PREP: variants seen among roughly 807,000 people sequenced by gnomAD.
The protein encoded by PREP is prolyl endopeptidase.
PREP carries 29 observed loss-of-function variants against 87.6 expected under a neutral mutation model. That is an observed-to-expected ratio of 0.33 (90% CI 0.25 to 0.45). The LOEUF (loss-of-function observed/expected upper bound fraction) is 0.45. Among genes scored for constraint, PREP ranks in the 20% least tolerant of loss-of-function variants. The pLI, the probability that PREP is intolerant of heterozygous loss-of-function variation, is 1.00. For missense variants in PREP, 695 were observed against 886.5 expected (o/e 0.78, Z 2.74); for synonymous variants, 337 against 328.6 (o/e 1.03, Z -0.28).
At chr6:105,368,875 G>A (rs772356009) in intron 6 of PREP, 28 bp downstream of exon 6, 26 of 1,611,672 alleles carry the variant, frequency 1.6e-5, no homozygotes, top group Non-Finnish European at 2.2e-5. Context: ...ACAGTCTTTG[G>A]GGGTAAAATT....
At chr6:105,325,500 T>C (rs1771130107) in intron 9 of PREP, among the ~76,000 whole-genome samples, 2 of 152,226 alleles carry the variant, frequency 1.3e-5, no homozygotes, top group African/African-American at 4.8e-5. Context: ...GAAATAAATA[T>C]GCAACAGGGG....
chr6:105,296,378 A>G (rs1162713475), intron 10 of PREP, among the ~76,000 whole-genome samples: 4 of 148,852 alleles, frequency 2.7e-5, no homozygotes, highest in African/African-American at 9.8e-5. Context: ...GTCCCAGTAC[A>G]CCAACAGTTT....
chr6:105,293,967 G>T (rs1166261580), intron 10 of PREP, among the ~76,000 whole-genome samples: 7 of 152,098 alleles, frequency 4.6e-5, no homozygotes, highest in Admixed American at 1.3e-4. Context: ...TATTTTCATG[G>T]GTACAAAGAA....
Position 105,328,923 on chromosome 6 carries a change from C to G in PREP, c.1119G>C (p.Lys373Asn), listed in dbSNP as rs765006643. Residue 373 changes from lysine to asparagine, a missense_variant, in exon 9 of 15, where the codon AAG becomes AAC. Lys to Asn is a moderately conservative substitution (Grantham distance 94). Coordinates refer to ENST00000652536, the MANE Select transcript of PREP (RefSeq NM_002726.5). The stretch of plus-strand genomic sequence containing the variant: ...TGCTGCCGACATCGAGCGGGAAGGT[C>G]TTAAGGAGAGCACCAGTAGTCAGGT... The part of the protein sequence containing the change: ...LHDLTTGALL[K>N]TFPLDVGSIV... 23 of 1,614,006 alleles carry G rather than the reference C, an allele frequency of 1.4e-5. No individual in the cohort carries two copies. The highest frequency in any genetic ancestry group is 1.8e-5 in the Non-Finnish European group (21 of 1,180,036).
intron 6 of PREP, among the ~76,000 whole-genome samples, chr6:105,367,265 G>A (rs367901614): frequency 6.6e-6 from 1 of 152,100 alleles, no homozygotes; most frequent in African/African-American, 2.4e-5. Context: ...TTATGTATGA[G>A]GAGAAGATGT....
intron 14 of PREP, among the ~76,000 whole-genome samples, chr6:105,279,429 A>G (rs1172195710): frequency 1.3e-5 from 2 of 152,234 alleles, no homozygotes; most frequent in East Asian, 3.8e-4. Context: ...TAGTTCTAAA[A>G]AGAAACAAGT....
intron 7 of PREP, among the ~76,000 whole-genome samples, chr6:105,347,053 T>G (rs529916278): frequency 6.6e-6 from 1 of 150,438 alleles, no homozygotes; most frequent in Admixed American, 6.6e-5. Context: ...AAAAAAAAAA[T>G]GTATTCAGAA....
intron 10 of PREP, among the ~76,000 whole-genome samples, chr6:105,321,429 A>G (rs1297117008): frequency 1.3e-5 from 2 of 152,236 alleles, no homozygotes; most frequent in Non-Finnish European, 2.9e-5. Flanking sequence ...GGCACCTGGC[A>G]GCGCCGAAGC....
intron 7 of PREP, among the ~76,000 whole-genome samples, chr6:105,348,118 G>C (rs1268685537): frequency 6.6e-6 from 1 of 152,082 alleles, no homozygotes. Flanking sequence ...TGTCTTTAAT[G>C]TTACCTTGAT....
intron 7 of PREP, among the ~76,000 whole-genome samples, chr6:105,351,460 G>A (rs117736875): frequency 0.057 from 8,599 of 152,144 alleles, 243 homozygotes; most frequent in Middle Eastern, 0.088. Context: ...AAATGCTAAC[G>A]CTGCAATAAT....
chr6:105,344,026 T>C (rs1771733106), intron 7 of PREP, among the ~76,000 whole-genome samples: 2 of 152,240 alleles, frequency 1.3e-5, no homozygotes, highest in East Asian at 1.9e-4. Flanking sequence ...ACTGGGTATA[T>C]ACCCAAAGGA....
chr6:105,400,051 C>A (rs879813743), intron 1 of PREP, among the ~76,000 whole-genome samples: 1 of 152,164 alleles, frequency 6.6e-6, no homozygotes, highest in Non-Finnish European at 1.5e-5. Flanking sequence ...TTAACTAGGA[C>A]AAGAAACATT....
chr6:105,363,792 C>A (rs1203499222), intron 6 of PREP, among the ~76,000 whole-genome samples: 1 of 152,114 alleles, frequency 6.6e-6, no homozygotes, highest in African/African-American at 2.4e-5. Flanking sequence ...GAAGGAAAGG[C>A]AGAGAAGTCT....
In PREP at chr6:105,278,250, G is replaced by C; in HGVS notation, c.2027C>G (p.Thr676Ser). Residue 676 changes from threonine to serine, a missense_variant, in exon 15 of 15, where the codon ACC becomes AGC. Physicochemically the swap from Thr to Ser is moderately conservative, Grantham distance 58. Around this residue, in one of 5 missense-constraint regions of PREP, gnomAD observed 121 missense variants for 154.8 expected, o/e 0.78. Coordinates refer to ENST00000652536, the MANE Select transcript of PREP (RefSeq NM_002726.5). This position sits in a 1 kb window ranked among gnomAD's most constrained non-coding sequence, Gnocchi z 4.2. Reference protein sequence around the residue: ...QSNPLLIHVDTKAGHGAGKPT... With the variant: ...QSNPLLIHVDSKAGHGAGKPT... ...CTTCCCCGCCCCGTGGCCCGCCTTGGTGTCCACGTGGATAAGCAGGGGGTT... is the reference window on the plus strand; with the variant it reads ...CTTCCCCGCCCCGTGGCCCGCCTTGCTGTCCACGTGGATAAGCAGGGGGTT... 1 of 1,614,222 alleles carries C rather than the reference G, an allele frequency of 6.2e-7. No homozygotes were observed. The highest frequency in any genetic ancestry group is 8.5e-7 in the Non-Finnish European group (1 of 1,180,046).
intron 2 of PREP, among the ~76,000 whole-genome samples, chr6:105,381,436 G>A (rs1004844287): frequency 5.9e-5 from 9 of 152,054 alleles, no homozygotes; most frequent in Non-Finnish European, 1.3e-4. Context: ...AAAAATTGGG[G>A]AAAAGGGAGA....
intron 4 of PREP, 129 bp downstream of exon 4, chr6:105,375,996 G>A: frequency 1.8e-6 from 2 of 1,089,846 alleles, no homozygotes; most frequent in East Asian, 5.1e-5. Flanking sequence ...TCCTGATATT[G>A]TATGTGCATC....
intron 10 of PREP, among the ~76,000 whole-genome samples, chr6:105,315,386 C>T (rs192956526): frequency 8.5e-4 from 129 of 152,258 alleles, no homozygotes; most frequent in Non-Finnish European, 1.5e-3. Context: ...TTGCCAGGCT[C>T]ATCTTGAGCT....
At chr6:105,293,242 G>A (rs1400236967) in intron 10 of PREP, among the ~76,000 whole-genome samples, 1 of 152,178 alleles carries the variant, frequency 6.6e-6, no homozygotes, top group East Asian at 1.9e-4. Flanking sequence ...AGATGTGAGA[G>A]TCCTCCTTGC....
chr6:105,370,262 C>T (rs1045969715), intron 5 of PREP, among the ~76,000 whole-genome samples: 21 of 131,414 alleles, frequency 1.6e-4, no homozygotes, highest in African/African-American at 4.8e-4. Context: ...ATTAGCTGGG[C>T]GTGGCGCTAA....
Sources: gnomAD v4.1 joint callset for allele counts (sites outside exome capture counted in the v4.1 genomes callset) on GRCh38, gnomAD v4.1.1 for gene constraint, gnomAD v4.1.1 regional missense constraint, Gnocchi (gnomAD v3.1) non-coding constraint, MANE v1.5 for transcripts, NCBI Gene and HGNC (gene_info 2026-07-23, HGNC 2026-07-21) for gene names.